The following ARID4A variants were observed in gnomAD, a reference collection of about 807,000 sequenced individuals.
ARID4A encodes the protein AT-rich interactive domain-containing protein 4A.
In ARID4A, 39 loss-of-function variants were observed where a neutral mutation model predicts 148.6. That is an observed-to-expected ratio of 0.26 (90% confidence interval 0.20 to 0.34). The LOEUF is 0.34. ARID4A is among the 10% of genes least tolerant of loss of function. The probability of loss-of-function intolerance (pLI) is 1.00; values close to 1 mark genes in which losing one functional copy is unlikely to be tolerated. For missense variants in ARID4A, 1,265 were observed against 1,449.1 expected (o/e 0.87, Z 2.06); for synonymous variants, 475 against 481.2 (o/e 0.99, Z 0.17).
At chr14:58,370,680 C>T (rs763096106) in intron 23 of ARID4A, among the ~76,000 whole-genome samples, 1 of 151,370 alleles carries the variant, frequency 6.6e-6, no homozygotes, top group Non-Finnish European at 1.5e-5. Context: ...GGCATGATCA[C>T]GGCTTACTGC....
chr14:58,329,647 C>T, intron 10 of ARID4A, 43 bp downstream of exon 10: 4 of 1,478,256 alleles, frequency 2.7e-6, no homozygotes, highest in South Asian at 1.1e-5. Flanking sequence ...TGTTGTGGCT[C>T]TATTTGGAAA....
At chr14:58,308,553 A>G (rs921714256) in intron 5 of ARID4A, among the ~76,000 whole-genome samples, 3 of 152,262 alleles carry the variant, frequency 2.0e-5, no homozygotes, top group African/African-American at 7.2e-5. Context: ...AAAACTCAAG[A>G]TAGCACTGCT....
intron 7 of ARID4A, among the ~76,000 whole-genome samples, chr14:58,322,303 G>C (rs546960706): frequency 6.6e-6 from 1 of 152,158 alleles, no homozygotes; most frequent in Non-Finnish European, 1.5e-5. Flanking sequence ...TGTGTAATAA[G>C]TACTCAGGAC....
intron 14 of ARID4A, 34 bp from the exon 15 acceptor site, chr14:58,347,613 G>A: frequency 6.8e-7 from 1 of 1,461,018 alleles, no homozygotes; most frequent in Non-Finnish European, 9.3e-7. Flanking sequence ...TGCAAAGACT[G>A]TAAGATTTCT....
intron 20 of ARID4A, 49 bp from the exon 21 acceptor site, chr14:58,365,467 CTT>C (rs71107938): frequency 0.19 from 65,024 of 346,702 alleles, 1,723 homozygotes; most frequent in East Asian, 0.31. Flanking sequence ...TATACTTGCT[CTT>C]TTTTTTTTTT....
intron 8 of ARID4A, among the ~76,000 whole-genome samples, chr14:58,326,621 C>A (rs760690742): frequency 5.9e-5 from 9 of 152,068 alleles, no homozygotes; most frequent in Non-Finnish European, 1.3e-4. Context: ...AGAGAATTTT[C>A]CAAAAGAGTG....
Position 58,347,478 on chromosome 14 carries a change from TTC to T in ARID4A, c.1173-167_1173-166del, listed in dbSNP as rs570796720. Among the ~76,000 whole-genome samples the T allele has an allele frequency of 4.6e-5, 7 of 152,340 alleles. No homozygotes were observed. In the East Asian group the frequency reaches 1.3e-3, roughly 29 times the overall value. On this transcript the variant is annotated intron_variant, in intron 14 of 23. Coordinates refer to ENST00000355431, the MANE Select transcript of ARID4A (RefSeq NM_002892.4). Reference sequence around the variant, plus strand: ...CAGGACGGCATTTTATGATCAGTTTTTCTGTTTATGATTCTATCTAAAACACC... The same window carrying T: ...CAGGACGGCATTTTATGATCAGTTTTTGTTTATGATTCTATCTAAAACACC...
chr14:58,316,818 G>C (rs1454352779), intron 5 of ARID4A, among the ~76,000 whole-genome samples: 1 of 151,976 alleles, frequency 6.6e-6, no homozygotes, highest in African/African-American at 2.4e-5. Context: ...GACCTCAGGT[G>C]GTCCGCCCGC....
chr14:58,347,906 G>C (rs1442870757), intron 15 of ARID4A, 28 bp downstream of exon 15: 2 of 1,486,676 alleles, frequency 1.3e-6, no homozygotes, highest in South Asian at 2.5e-5. Flanking sequence ...GTTTTATCTG[G>C]TTTAAGTATT....
At chr14:58,348,466 TTG>T (rs1229719317) in intron 15 of ARID4A, among the ~76,000 whole-genome samples, 7 of 152,226 alleles carry the variant, frequency 4.6e-5, no homozygotes, top group African/African-American at 1.7e-4. Context: ...TATCTTGTCT[TTG>T]TAACTTTATA....
Position 58,346,424 on chromosome 14 carries a change from C to T in ARID4A, c.993C>T (p.Asn331=), listed in dbSNP as rs2034367586. The change falls in exon 13 of 24, where the codon AAC becomes AAT. Residue 331 remains asparagine, a synonymous_variant. Transcript: ENST00000355431. ...KFMEDRGTPI[N]KPPVLGYKDL... Reference sequence around the variant, plus strand: ...TACATTGAAAAGGTACTCCAATCAACAAACCACCTGTTTTGGGCTATAAAG... The same window carrying T: ...TACATTGAAAAGGTACTCCAATCAATAAACCACCTGTTTTGGGCTATAAAG... 1.2e-6 allele frequency: 2 copies of T among 1,604,876 alleles called. No individual in the cohort carries two copies. Among genetic ancestry groups the T allele is most frequent in the Non-Finnish European group, 1.7e-6 (2 of 1,174,456 alleles).
At chr14:58,315,355 A>C (rs1386869377) in intron 5 of ARID4A, among the ~76,000 whole-genome samples, 2 of 152,202 alleles carry the variant, frequency 1.3e-5, no homozygotes, top group Non-Finnish European at 2.9e-5. Context: ...GAAATTCAAA[A>C]ATTGCTGAAA....
At chr14:58,357,170 TGTTA>T (rs2034910851) in intron 17 of ARID4A, among the ~76,000 whole-genome samples, 1 of 152,364 alleles carries the variant, frequency 6.6e-6, no homozygotes, top group South Asian at 2.1e-4. Context: ...ATAGACTTTG[TGTTA>T]GTTGATTTTG....
chr14:58,337,266 A>C (rs1284485835), intron 11 of ARID4A, among the ~76,000 whole-genome samples: 1 of 138,076 alleles, frequency 7.2e-6, no homozygotes, highest in African/African-American at 2.7e-5. Flanking sequence ...ATATATATAT[A>C]TAATTAAAAC....
At chr14:58,329,130 G>A (rs2033379305) in intron 9 of ARID4A, among the ~76,000 whole-genome samples, 1 of 152,098 alleles carries the variant, frequency 6.6e-6, no homozygotes, top group South Asian at 2.1e-4. Flanking sequence ...ATTTTATAGT[G>A]ATAAAAATAT....
At chr14:58,315,710 T>G (rs1594881382) in intron 5 of ARID4A, among the ~76,000 whole-genome samples, 2 of 152,228 alleles carry the variant, frequency 1.3e-5, no homozygotes, top group African/African-American at 4.8e-5. Context: ...GTGGTTAATT[T>G]TTTAGACTTG....
intron 3 of ARID4A, chr14:58,303,582 C>G (rs1254072234): frequency 2.1e-6 from 1 of 470,444 alleles, no homozygotes; most frequent in African/African-American, 2.0e-5. Flanking sequence ...TGTTCTATGC[C>G]CAACACATAG....
At chr14:58,321,330 C>T (rs769068633) in intron 7 of ARID4A, among the ~76,000 whole-genome samples, 14 of 152,074 alleles carry the variant, frequency 9.2e-5, no homozygotes, top group Non-Finnish European at 1.8e-4. Flanking sequence ...TTTTGGTTAT[C>T]GCTTAGCTAT....
intron 8 of ARID4A, among the ~76,000 whole-genome samples, chr14:58,324,833 G>T (rs1275882402): frequency 6.6e-6 from 1 of 152,142 alleles, no homozygotes; most frequent in Non-Finnish European, 1.5e-5. Context: ...CTGAGGATCT[G>T]CAGTGAGTTC....
Sources: gnomAD v4.1 joint callset for allele counts (sites outside exome capture counted in the v4.1 genomes callset) on GRCh38, gnomAD v4.1.1 for gene constraint, MANE v1.5 for transcripts, NCBI Gene and HGNC (gene_info 2026-07-23, HGNC 2026-07-21) for gene names.